The following ATP8A1 variants were observed in gnomAD, a reference collection of about 807,000 sequenced individuals.
The protein encoded by ATP8A1 is phospholipid-transporting ATPase IA.
A neutral mutation model predicts 177.7 loss-of-function variants in ATP8A1; 90 were observed. The ratio of observed to expected loss-of-function variants is 0.51; its 90% CI spans 0.43 to 0.60. The LOEUF (loss-of-function observed/expected upper bound fraction) is 0.60, where lower values mean the gene tolerates loss of function less well. Ranked by LOEUF, ATP8A1 falls within the 20% of genes least tolerant of loss-of-function variation. ATP8A1 has a pLI of 0.00. For missense variants in ATP8A1, 1,072 were observed against 1,392.8 expected, an observed-to-expected ratio of 0.77 and a Z score of 3.67; for synonymous variants, 493 against 485.9, an observed-to-expected ratio of 1.01 and a Z score of -0.19.
At chr4:42,431,273 T>C (rs1003681148) in intron 33 of ATP8A1, among the ~76,000 whole-genome samples, 1 of 152,174 alleles carries the variant, frequency 6.6e-6, no homozygotes, top group African/African-American at 2.4e-5. Context: ...AGTCAGACTC[T>C]AATCTCTTTC....
At chr4:42,628,141 C>T (rs1738312816) in intron 1 of ATP8A1, among the ~76,000 whole-genome samples, 1 of 152,118 alleles carries the variant, frequency 6.6e-6, no homozygotes, top group Admixed American at 6.5e-5. Context: ...CCAATGTTTG[C>T]CGAATACATA....
At chr4:42,460,528 C>T (rs532955469) in intron 27 of ATP8A1, among the ~76,000 whole-genome samples, 1 of 152,122 alleles carries the variant, frequency 6.6e-6, no homozygotes, top group South Asian at 2.1e-4. Context: ...GCTGGGATTA[C>T]AGGCAACTGC....
intron 22 of ATP8A1, among the ~76,000 whole-genome samples, chr4:42,520,520 A>G (rs923703683): frequency 3.9e-5 from 6 of 152,204 alleles, no homozygotes; most frequent in Admixed American, 3.9e-4. Flanking sequence ...ACATAATCAT[A>G]TATAAATATG....
At chr4:42,446,494 C>T (rs183109669) in intron 31 of ATP8A1, 89 bp downstream of exon 31, 21 of 1,342,056 alleles carry the variant, frequency 1.6e-5, no homozygotes, top group African/African-American at 2.9e-5. Context: ...TCCAGAAACA[C>T]TCATATCACG....
At chr4:42,444,484 G>T in intron 32 of ATP8A1, 94 bp downstream of exon 32, 1 of 1,202,412 alleles carries the variant, frequency 8.3e-7, no homozygotes, top group South Asian at 1.3e-5. Flanking sequence ...ATTAACCTGG[G>T]ACATATCAAG....
chr4:42,516,702 A>G (rs868647345), intron 22 of ATP8A1, among the ~76,000 whole-genome samples: 229 of 152,346 alleles, frequency 1.5e-3, no homozygotes, highest in African/African-American at 5.2e-3. Flanking sequence ...TAATTATAAA[A>G]TAAGGAAGAA....
At chr4:42,549,650 T>G (rs1370935151) in intron 18 of ATP8A1, among the ~76,000 whole-genome samples, 1 of 151,462 alleles carries the variant, frequency 6.6e-6, no homozygotes. Flanking sequence ...AAAAAAAATA[T>G]CAGGTGCGGT....
chr4:42,645,669 C>T (rs897775566), intron 1 of ATP8A1, among the ~76,000 whole-genome samples: 1 of 152,198 alleles, frequency 6.6e-6, no homozygotes, highest in Non-Finnish European at 1.5e-5. Flanking sequence ...ACAAGCCTCC[C>T]ACTGCCCTGT....
At chr4:42,541,500 T>C (rs1005865805) in intron 20 of ATP8A1, among the ~76,000 whole-genome samples, 1 of 152,212 alleles carries the variant, frequency 6.6e-6, no homozygotes, top group Non-Finnish European at 1.5e-5. Flanking sequence ...TACTGTAAGA[T>C]CTTGCAATTA....
intron 22 of ATP8A1, among the ~76,000 whole-genome samples, chr4:42,508,199 C>G (rs1476799249): frequency 6.6e-6 from 1 of 152,180 alleles, no homozygotes; most frequent in Non-Finnish European, 1.5e-5. Flanking sequence ...GTGGTGCCAT[C>G]TTGGCTCACC....
At chr4:42,468,530 C>A (rs1720061740) in intron 25 of ATP8A1, among the ~76,000 whole-genome samples, 1 of 151,984 alleles carries the variant, frequency 6.6e-6, no homozygotes, top group Non-Finnish European at 1.5e-5. Context: ...GCATTCATAG[C>A]AACCTGGATG....
intron 9 of ATP8A1, among the ~76,000 whole-genome samples, chr4:42,585,956 C>A (rs1311352247): frequency 6.6e-6 from 1 of 152,162 alleles, no homozygotes; most frequent in Non-Finnish European, 1.5e-5. Flanking sequence ...CTCCTTGAAG[C>A]ATCTCAAGAT....
chr4:42,455,830 A>C (rs998974075), intron 27 of ATP8A1, among the ~76,000 whole-genome samples: 1 of 152,218 alleles, frequency 6.6e-6, no homozygotes, highest in African/African-American at 2.4e-5. Flanking sequence ...AAAAAGAAAT[A>C]TATGAACAGG....
chr4:42,603,931 A>T (rs1735542056), intron 5 of ATP8A1, among the ~76,000 whole-genome samples: 1 of 152,228 alleles, frequency 6.6e-6, no homozygotes, highest in Admixed American at 6.5e-5. Context: ...CCCCTTGCTC[A>T]GAACTCTTCA....
intron 20 of ATP8A1, among the ~76,000 whole-genome samples, chr4:42,539,325 G>C (rs1457555853): frequency 1.3e-5 from 2 of 151,772 alleles, no homozygotes; most frequent in African/African-American, 4.8e-5. Flanking sequence ...CTGCTTGGGT[G>C]ATGGCTGCAT....
At chr4:42,531,162 C>A (rs541841947) in intron 20 of ATP8A1, among the ~76,000 whole-genome samples, 2 of 152,068 alleles carry the variant, frequency 1.3e-5, no homozygotes, top group Admixed American at 1.3e-4. Context: ...CGGAATACAG[C>A]GAATCCATTA....
intron 7 of ATP8A1, among the ~76,000 whole-genome samples, chr4:42,588,972 C>T (rs768998734): frequency 5.3e-5 from 8 of 152,144 alleles, no homozygotes; most frequent in East Asian, 1.9e-4. Flanking sequence ...ATTCTCACAG[C>T]GGTAAAAACT....
intron 1 of ATP8A1, among the ~76,000 whole-genome samples, chr4:42,640,455 T>C (rs919351337): frequency 6.6e-5 from 10 of 152,258 alleles, no homozygotes; most frequent in African/African-American, 2.4e-4. Context: ...TAAGTGCAGC[T>C]GATTAACAGA....
chr4:42,637,098 G>A (rs1739470273), intron 1 of ATP8A1: 3 of 517,538 alleles, frequency 5.8e-6, no homozygotes, highest in South Asian at 4.2e-5. Context: ...GCCCTACCCA[G>A]ACTGGCTAGC....
Sources: gnomAD v4.1 joint callset for allele counts (sites outside exome capture counted in the v4.1 genomes callset) on GRCh38, gnomAD v4.1.1 for gene constraint, MANE v1.5 for transcripts, NCBI Gene and HGNC (gene_info 2026-07-23, HGNC 2026-07-21) for gene names.